The following CSMD1 variants were observed in gnomAD, a reference collection of about 807,000 sequenced individuals.
The protein encoded by CSMD1 is CUB and Sushi multiple domains 1.
A neutral mutation model predicts 417.5 loss-of-function variants in CSMD1; 213 were observed. The ratio of observed to expected loss-of-function variants is 0.51; its 90% CI spans 0.46 to 0.57. The LOEUF is 0.57. CSMD1 is among the 20% of genes least tolerant of loss of function. The pLI is 0.00. For missense variants in CSMD1, 6,923 were observed against 4,529.7 expected (o/e 1.53, Z -15.17); for synonymous variants, 2,862 against 1,736.8 (o/e 1.65, Z -16.11).
intron 7 of CSMD1, among the ~76,000 whole-genome samples, chr8:3,702,883 A>G (rs1800947934): frequency 6.6e-6 from 1 of 152,208 alleles, no homozygotes; most frequent in African/African-American, 2.4e-5. Context: ...GTATTGAAAT[A>G]ATCTACTTTC....
intron 3 of CSMD1, among the ~76,000 whole-genome samples, chr8:4,175,444 C>G (rs1797988500): frequency 6.7e-6 from 1 of 148,330 alleles, no homozygotes; most frequent in South Asian, 2.1e-4. Context: ...TAATTGACAT[C>G]TTTATTTTAT....
intron 33 of CSMD1, among the ~76,000 whole-genome samples, chr8:3,194,666 C>T (rs1428140161): frequency 3.4e-5 from 5 of 148,840 alleles, no homozygotes; most frequent in Non-Finnish European, 5.9e-5. Flanking sequence ...GATGGGATTT[C>T]GCCATGTTAG....
At chr8:4,109,879 T>C (rs957297840) in intron 3 of CSMD1, among the ~76,000 whole-genome samples, 4 of 152,150 alleles carry the variant, frequency 2.6e-5, no homozygotes, top group Non-Finnish European at 5.9e-5. Flanking sequence ...CATTGTGCTT[T>C]TTCTCATAAT....
At chr8:4,263,206 C>G (rs929973523) in intron 3 of CSMD1, among the ~76,000 whole-genome samples, 1 of 149,404 alleles carries the variant, frequency 6.7e-6, no homozygotes, top group Non-Finnish European at 1.5e-5. Flanking sequence ...TTCTAGTATT[C>G]GAGGGCTAAA....
intron 5 of CSMD1, among the ~76,000 whole-genome samples, chr8:3,868,255 A>G (rs1291413844): frequency 6.6e-6 from 1 of 152,012 alleles, no homozygotes; most frequent in African/African-American, 2.4e-5. Context: ...ATTTAACTTT[A>G]TGACCATTGC....
chr8:3,396,248 G>A lies in CSMD1; in HGVS notation c.2539C>T (p.Leu847=), dbSNP rs866588898. Residue 847 remains leucine (L), a synonymous_variant, in exon 17 of 70, where the codon CTG becomes TTG. Transcript: ENST00000635120. The part of the protein sequence containing the change: ...LISTGNFMYL[L]FTTDNSRSSI... ...GAGCGGCTGTTGTCAGTGGTGAACA[G>A]CAGGTACATGAAGTTCCCGGTGCTG... 2.5e-6 allele frequency: 4 copies of A among 1,579,296 alleles called. No homozygotes were observed. Among genetic ancestry groups the A allele is most frequent in the Non-Finnish European group, 1.7e-6 (2 of 1,162,366 alleles).
intron 41 of CSMD1, among the ~76,000 whole-genome samples, chr8:3,120,664 T>A (rs1390254208): frequency 1.3e-5 from 2 of 150,794 alleles, no homozygotes; most frequent in Admixed American, 6.6e-5. Context: ...CTGAACAACA[T>A]GGTGAAACCC....
chr8:3,757,970 A>G (rs1797757875), intron 5 of CSMD1, among the ~76,000 whole-genome samples: 1 of 151,972 alleles, frequency 6.6e-6, no homozygotes, highest in Admixed American at 6.6e-5. Flanking sequence ...GTCCTGCACA[A>G]ATTCCTTTTA....
chr8:4,580,382 T>A (rs887141022), intron 2 of CSMD1, among the ~76,000 whole-genome samples: 1 of 152,210 alleles, frequency 6.6e-6, no homozygotes, highest in African/African-American at 2.4e-5. Context: ...TTGACCATCT[T>A]CCTTTGTTGT....
At chr8:4,943,507 ATG>A (rs144653777) in intron 1 of CSMD1, among the ~76,000 whole-genome samples, 8,616 of 40,516 alleles carry the variant, frequency 0.21, 397 homozygotes, top group Admixed American at 0.29. Context: ...AAAAAATAAA[ATG>A]AAATAAAATA....
At chr8:4,906,819 T>C (rs1360560770) in intron 1 of CSMD1, among the ~76,000 whole-genome samples, 1 of 152,250 alleles carries the variant, frequency 6.6e-6, no homozygotes, top group Non-Finnish European at 1.5e-5. Flanking sequence ...CGGCCTCCCA[T>C]AGTGCTGAGA....
intron 3 of CSMD1, among the ~76,000 whole-genome samples, chr8:4,370,872 T>C (rs559831743): frequency 1.3e-5 from 2 of 152,358 alleles, no homozygotes; most frequent in East Asian, 3.9e-4. Flanking sequence ...CCTCCTCTTG[T>C]ATCTTGATGA....
At chr8:4,731,722 A>G (rs558122304) in intron 1 of CSMD1, among the ~76,000 whole-genome samples, 90 of 152,182 alleles carry the variant, frequency 5.9e-4, no homozygotes, top group Non-Finnish European at 1.0e-3. Context: ...ACGAGGACCC[A>G]GGAACAGCAG....
rs140706863 is a variant in CSMD1, at chr8:3,422,960, A to C, written c.1562-13355T>G. On this transcript the variant is annotated intron_variant, in intron 12 of 69. Coordinates refer to ENST00000635120, the MANE Select transcript of CSMD1 (RefSeq NM_033225.6). ...GTAGATTCTCTTTGTTAAGCTCTTT[A>C]TTAAGGGTCACAGCTCTTACTGCTA... 3.0e-3 allele frequency among the ~76,000 whole-genome samples: 461 copies of C among 152,334 alleles called. 4 individuals are homozygous for C. The highest frequency in any genetic ancestry group is 9.1e-3 in the South Asian group (44 of 4,834).
chr8:4,551,556 C>T (rs986631467), intron 2 of CSMD1, among the ~76,000 whole-genome samples: 3 of 152,208 alleles, frequency 2.0e-5, no homozygotes, highest in South Asian at 2.1e-4. Flanking sequence ...GGCTGACTCT[C>T]TGCAGGTTCC....
At chr8:3,586,103 T>C (rs372207553) in intron 9 of CSMD1, 33 bp downstream of exon 9, 3 of 1,593,820 alleles carry the variant, frequency 1.9e-6, no homozygotes, top group Non-Finnish European at 2.6e-6. Context: ...AAGAAAGAGA[T>C]AATCCAGGCT....
intron 5 of CSMD1, among the ~76,000 whole-genome samples, chr8:3,997,199 A>C (rs1333224300): frequency 6.6e-6 from 1 of 152,224 alleles, no homozygotes; most frequent in African/African-American, 2.4e-5. Context: ...GATAGAAATT[A>C]AGGCCTTAAA....
intron 3 of CSMD1, among the ~76,000 whole-genome samples, chr8:4,309,072 A>C (rs1798414416): frequency 6.6e-6 from 1 of 152,054 alleles, no homozygotes; most frequent in Non-Finnish European, 1.5e-5. Context: ...ATTATTTTTT[A>C]TGTTAGGTTA....
At chr8:4,889,884 G>C (rs1215717850) in intron 1 of CSMD1, among the ~76,000 whole-genome samples, 1 of 152,128 alleles carries the variant, frequency 6.6e-6, no homozygotes, top group Non-Finnish European at 1.5e-5. Flanking sequence ...GAATCAAAAT[G>C]TATAGCAATT....
Sources: gnomAD v4.1 joint callset for allele counts (sites outside exome capture counted in the v4.1 genomes callset) on GRCh38, gnomAD v4.1.1 for gene constraint, MANE v1.5 for transcripts, NCBI Gene and HGNC (gene_info 2026-07-23, HGNC 2026-07-21) for gene names.